The following NGEF variants were observed in gnomAD, a reference collection of about 807,000 sequenced individuals.
NGEF encodes ephexin-1.
NGEF carries 31 observed loss-of-function variants against 80.9 expected under a neutral mutation model. That is an observed-to-expected ratio of 0.38 (90% CI 0.29 to 0.52). The LOEUF (loss-of-function observed/expected upper bound fraction) is 0.52, where lower values mean the gene tolerates loss of function less well. Ranked by LOEUF, NGEF falls within the 20% of genes least tolerant of loss-of-function variation. The pLI is 0.84. For synonymous variants in NGEF, 371 were observed against 370.2 expected (o/e 1.00, Z -0.03); for missense variants, 709 against 926.2 (o/e 0.77, Z 3.04).
rs539963090 is a variant in NGEF, at chr2:232,899,215, G to A, written c.829-4299C>T. Among the ~76,000 whole-genome samples, 52 of 152,266 alleles carry A rather than the reference G, an allele frequency of 3.4e-4. 1 individual carries two copies. Among genetic ancestry groups the A allele is most frequent in the East Asian group, 1.2e-3 (6 of 5,192 alleles). ...TGTGTGAATGAGAGTATGTGACTGT[G>A]TGTGTGAATGTGTGCATATGAGGGG... On this transcript the variant is annotated intron_variant, in intron 5 of 14. Transcript: ENST00000264051.
At chr2:232,938,430 C>A in intron 3 of NGEF, among the ~76,000 whole-genome samples, 1 of 152,234 alleles carries the variant, frequency 6.6e-6, no homozygotes, top group Non-Finnish European at 1.5e-5. Context: ...GTGTGTTTAT[C>A]TGAAACTATG....
chr2:232,925,219 C>T (rs765875884), intron 4 of NGEF, among the ~76,000 whole-genome samples: 4 of 152,228 alleles, frequency 2.6e-5, no homozygotes, highest in Non-Finnish European at 5.9e-5. Context: ...TAGGAAGCTG[C>T]CATCCTTTCC....
chr2:232,882,087 G>A, intron 13 of NGEF, 99 bp downstream of exon 13: 1 of 1,100,120 alleles, frequency 9.1e-7, no homozygotes, highest in East Asian at 2.5e-5. Context: ...CACCAGCTCA[G>A]GGAGGGCTTC....
intron 5 of NGEF, among the ~76,000 whole-genome samples, chr2:232,899,306 G>C (rs998322472): frequency 1.3e-5 from 2 of 152,086 alleles, no homozygotes; most frequent in African/African-American, 4.8e-5. Context: ...GCCTGGACCC[G>C]GCTGTCTGAA....
At chr2:232,985,951 G>A (rs1479165193) in intron 1 of NGEF, among the ~76,000 whole-genome samples, 3 of 146,962 alleles carry the variant, frequency 2.0e-5, no homozygotes, top group South Asian at 2.1e-4. Context: ...AAAAAAAAAA[G>A]AAAAAAGAAA....
At chr2:232,974,499 G>C in intron 2 of NGEF, 124 bp downstream of exon 2, 1 of 1,164,652 alleles carries the variant, frequency 8.6e-7, no homozygotes, top group Non-Finnish European at 1.2e-6. Flanking sequence ...GCACTACCCT[G>C]TTGAAACTGT....
At chr2:232,989,888 A>C (rs1694618428) in intron 1 of NGEF, among the ~76,000 whole-genome samples, 1 of 152,222 alleles carries the variant, frequency 6.6e-6, no homozygotes, top group Admixed American at 6.5e-5. Flanking sequence ...GTCAGTTGAC[A>C]AAGTTAAATA....
chr2:232,894,702 G>A (rs1450152836), intron 6 of NGEF, 54 bp downstream of exon 6: 3 of 1,476,774 alleles, frequency 2.0e-6, no homozygotes, highest in Non-Finnish European at 2.8e-6. Context: ...TCAAGCATGT[G>A]CCCTGGGGAT....
At chr2:232,927,374 C>T (rs780907568) in intron 3 of NGEF, among the ~76,000 whole-genome samples, 188 bp from the exon 4 acceptor site, 13 of 152,150 alleles carry the variant, frequency 8.5e-5, no homozygotes, top group Non-Finnish European at 1.8e-4. Flanking sequence ...CTTTCTGTCA[C>T]CGCACCAGGG....
chr2:232,931,618 G>A (rs1038322694), intron 3 of NGEF, among the ~76,000 whole-genome samples: 3 of 152,216 alleles, frequency 2.0e-5, no homozygotes, highest in Non-Finnish European at 4.4e-5. Context: ...AAGGAGATGA[G>A]TGTGAGTGTG....
intron 1 of NGEF, among the ~76,000 whole-genome samples, chr2:232,992,126 A>G (rs998089394): frequency 3.9e-5 from 6 of 152,220 alleles, no homozygotes; most frequent in Non-Finnish European, 7.3e-5. Context: ...TAAAACTCTT[A>G]GAAGAAAACT....
intron 2 of NGEF, among the ~76,000 whole-genome samples, chr2:232,972,900 G>A (rs1454332680): frequency 6.6e-6 from 1 of 151,894 alleles, no homozygotes; most frequent in Non-Finnish European, 1.5e-5. Flanking sequence ...GGCATTACAA[G>A]CATGCACCAC....
chr2:232,899,977 TTCAC>T (rs1403891185), intron 5 of NGEF, among the ~76,000 whole-genome samples: 2 of 71,604 alleles, frequency 2.8e-5, no homozygotes, highest in African/African-American at 6.5e-5. Context: ...CATATACACA[TTCAC>T]TCATTCACTC....
In NGEF at chr2:232,881,134, C is replaced by G; in HGVS notation, c.1942+12G>C. The G allele has an allele frequency of 6.2e-7, 1 of 1,610,662 alleles. No homozygotes were observed. Reference sequence around the variant, plus strand: ...CCCCTGGGGGCCCCGAGGGGAGGTCCCTGGGCCTCACCGTCGTCAGTCTTG... The same window carrying G: ...CCCCTGGGGGCCCCGAGGGGAGGTCGCTGGGCCTCACCGTCGTCAGTCTTG... On this transcript the variant is annotated intron_variant, in intron 14 of 14. Transcript: ENST00000264051.
chr2:232,981,151 C>T (rs1470898202), intron 1 of NGEF, among the ~76,000 whole-genome samples: 3 of 67,734 alleles, frequency 4.4e-5, no homozygotes, highest in African/African-American at 6.8e-5. Flanking sequence ...TCCCAAGCAC[C>T]TGGAATTGCC....
rs956073388 is a variant in NGEF, at chr2:232,891,294, C to A, written c.1272+64G>T. On this transcript the variant is annotated intron_variant, in intron 8 of 14. Coordinates refer to ENST00000264051, the MANE Select transcript of NGEF (RefSeq NM_019850.3). ...TAGACCTCCTAGAAAGCTGACAGGG[C>A]CCGGGAATGACCACAGCAAAGCCTG... 52 of 1,595,716 alleles carry A rather than the reference C, an allele frequency of 3.3e-5. 1 individual carries two copies. The highest frequency in any genetic ancestry group is 4.3e-5 in the Non-Finnish European group (50 of 1,170,174).
intron 1 of NGEF, among the ~76,000 whole-genome samples, chr2:233,006,455 C>G (rs1695085486): frequency 6.6e-6 from 1 of 152,094 alleles, no homozygotes; most frequent in South Asian, 2.1e-4. Flanking sequence ...GAAGGGGGCA[C>G]CTCCAACTTA....
chr2:232,901,578 C>T (rs1213113302), intron 5 of NGEF: 3 of 290,490 alleles, frequency 1.0e-5, no homozygotes, highest in Non-Finnish European at 1.0e-5. Flanking sequence ...GACTGAAGGG[C>T]GGGCTCACTG....
chr2:232,939,063 A>G (rs1363277707), intron 3 of NGEF, among the ~76,000 whole-genome samples: 1 of 151,346 alleles, frequency 6.6e-6, no homozygotes, highest in Non-Finnish European at 1.5e-5. Flanking sequence ...CTGTAATCCC[A>G]GCTACTTGGG....
Sources: allele counts gnomAD v4.1 joint callset (sites outside exome capture counted in the v4.1 genomes callset), GRCh38; gene constraint gnomAD v4.1.1; transcripts MANE v1.5; gene names NCBI Gene and HGNC (gene_info 2026-07-23, HGNC 2026-07-21).